Variants in ROR1 observed in about 807,000 individuals in gnomAD.
ROR1 encodes ROR family WNT receptor 1.
Under a neutral mutation model 78.8 loss-of-function variants are expected in ROR1, and 19 were observed. The ratio of observed to expected loss-of-function variants is 0.24; its 90% CI spans 0.17 to 0.35. The LOEUF is 0.35. ROR1 is among the 10% of genes least tolerant of loss of function. The pLI is 1.00. For synonymous variants in ROR1, 386 were observed against 433.6 expected, an observed-to-expected ratio of 0.89 and a Z score of 1.36; for missense variants, 917 against 1,177.8, an observed-to-expected ratio of 0.78 and a Z score of 3.24.
chr1:63,980,424 AT>A (rs1646201150), intron 1 of ROR1, among the ~76,000 whole-genome samples: 1 of 152,164 alleles, frequency 6.6e-6, no homozygotes, highest in Non-Finnish European at 1.5e-5. Flanking sequence ...GTGAATGTAA[AT>A]TACTGCTGTT....
intron 1 of ROR1, among the ~76,000 whole-genome samples, chr1:63,918,831 G>A (rs1645630764): frequency 6.6e-6 from 1 of 152,170 alleles, no homozygotes; most frequent in Non-Finnish European, 1.5e-5. Context: ...AGGCTCTGAA[G>A]AGTGTCCTGA....
At chr1:63,839,346 A>ATCTG (rs939688999) in intron 1 of ROR1, among the ~76,000 whole-genome samples, 3 of 7,118 alleles carry the variant, frequency 4.2e-4, no homozygotes, top group African/African-American at 1.6e-3. Flanking sequence ...TCTCCATATC[A>ATCTG]TCTATCTATC....
chr1:64,136,971 C>T (rs563739267), intron 4 of ROR1, among the ~76,000 whole-genome samples: 7 of 152,078 alleles, frequency 4.6e-5, no homozygotes, highest in Non-Finnish European at 8.8e-5. Flanking sequence ...TGGATCTGTT[C>T]GCCCACGCCT....
At position 63,818,163 on chromosome 1, in the gene ROR1, A is replaced by G. The variant is rs186942157; in HGVS notation, c.91+43655A>G. 3.8e-3 allele frequency among the ~76,000 whole-genome samples: 578 copies of G among 152,306 alleles called. 3 individuals carry two copies. The highest frequency in any genetic ancestry group is 6.8e-3 in the Non-Finnish European group (464 of 68,034). On this transcript the variant is annotated intron_variant, in intron 1 of 8. Coordinates refer to ENST00000371079, the MANE Select transcript of ROR1 (RefSeq NM_005012.4). ...GTTAGAACCCAGTTCTGTTCCTTGG[A>G]AAGATTCTTACTCTTCTCATATACC...
chr1:63,920,008 A>G (rs1431991180), intron 1 of ROR1, among the ~76,000 whole-genome samples: 1 of 152,190 alleles, frequency 6.6e-6, no homozygotes, highest in South Asian at 2.1e-4. Context: ...TTCTCATGTT[A>G]TAGAAATGCA....
At chr1:63,903,851 A>G (rs1645505280) in intron 1 of ROR1, among the ~76,000 whole-genome samples, 1 of 152,078 alleles carries the variant, frequency 6.6e-6, no homozygotes, top group South Asian at 2.1e-4. Flanking sequence ...TCAAGAGTCT[A>G]TGTAGATAGT....
chr1:63,931,012 C>T (rs943213011), intron 1 of ROR1, among the ~76,000 whole-genome samples: 3 of 152,178 alleles, frequency 2.0e-5, no homozygotes, highest in Non-Finnish European at 4.4e-5. Flanking sequence ...TGCAGTGGCT[C>T]AGCTTACGCC....
At chr1:64,140,492 C>G in intron 6 of ROR1, 66 bp downstream of exon 6, 1 of 1,461,320 alleles carries the variant, frequency 6.8e-7, no homozygotes, top group Non-Finnish European at 9.4e-7. Flanking sequence ...ACAGGGAAAA[C>G]TGGACCTTGA....
intron 1 of ROR1, among the ~76,000 whole-genome samples, chr1:63,948,441 T>C (rs2100466553): frequency 6.6e-6 from 1 of 152,174 alleles, no homozygotes; most frequent in Middle Eastern, 3.4e-3. Flanking sequence ...CTGATATTGA[T>C]AATATTATGG....
intron 4 of ROR1, among the ~76,000 whole-genome samples, chr1:64,103,619 G>A (rs1390145679): frequency 6.6e-6 from 1 of 152,134 alleles, no homozygotes; most frequent in Non-Finnish European, 1.5e-5. Flanking sequence ...TTAACTGAAT[G>A]TGAATGACTT....
intron 3 of ROR1, among the ~76,000 whole-genome samples, chr1:64,050,298 T>A (rs1646818321): frequency 1.3e-5 from 2 of 152,152 alleles, no homozygotes; most frequent in South Asian, 4.1e-4. Context: ...AAGTTGGAAA[T>A]GTTCGCAGCG....
intron 1 of ROR1, among the ~76,000 whole-genome samples, chr1:63,840,891 G>A (rs1645045640): frequency 6.6e-6 from 1 of 152,130 alleles, no homozygotes; most frequent in Non-Finnish European, 1.5e-5. Flanking sequence ...TGTTGGGCTG[G>A]TTTAAATAAG....
chr1:63,850,489 A>G (rs138579863), intron 1 of ROR1, among the ~76,000 whole-genome samples: 130 of 152,354 alleles, frequency 8.5e-4, no homozygotes, highest in African/African-American at 2.8e-3. Context: ...TACAGGATAT[A>G]AGTTCCCGTT....
chr1:63,895,902 G>A (rs1645435416), intron 1 of ROR1, among the ~76,000 whole-genome samples: 1 of 152,022 alleles, frequency 6.6e-6, no homozygotes, highest in Non-Finnish European at 1.5e-5. Flanking sequence ...ATACCCAGTG[G>A]TGTCTTGGAG....
At chr1:64,066,845 TA>T (rs1402742623) in intron 4 of ROR1, 3 of 152,216 alleles carry the variant, frequency 2.0e-5, no homozygotes, top group African/African-American at 7.2e-5. Flanking sequence ...GAAATCAATA[TA>T]AAATTATTAC....
At chr1:63,956,543 G>A (rs553835667) in intron 1 of ROR1, among the ~76,000 whole-genome samples, 1 of 152,228 alleles carries the variant, frequency 6.6e-6, no homozygotes, top group African/African-American at 2.4e-5. Context: ...TTATCAGCTG[G>A]ACCCAAGGCA....
intron 1 of ROR1, among the ~76,000 whole-genome samples, chr1:63,973,195 C>T (rs1646132300): frequency 6.6e-6 from 1 of 152,236 alleles, no homozygotes; most frequent in Non-Finnish European, 1.5e-5. Flanking sequence ...ACTGCCCTGT[C>T]TCCTTCGCAG....
chr1:63,891,689 G>A (rs1037777155), intron 1 of ROR1, among the ~76,000 whole-genome samples: 12 of 152,036 alleles, frequency 7.9e-5, no homozygotes, highest in African/African-American at 2.2e-4. Flanking sequence ...CAGAGGGCCC[G>A]GTAGAACAGA....
chr1:64,157,109 A>T (rs761079390), intron 7 of ROR1, among the ~76,000 whole-genome samples: 3 of 152,212 alleles, frequency 2.0e-5, no homozygotes, highest in Non-Finnish European at 4.4e-5. Context: ...TTGCACCAGT[A>T]GAAAATATTT....
Sources: gnomAD v4.1 joint callset for allele counts (sites outside exome capture counted in the v4.1 genomes callset) on GRCh38, gnomAD v4.1.1 for gene constraint, MANE v1.5 for transcripts, NCBI Gene and HGNC (gene_info 2026-07-23, HGNC 2026-07-21) for gene names.